Variants in ARHGEF38 observed in about 807,000 individuals in gnomAD.
ARHGEF38 encodes the protein Rho guanine nucleotide exchange factor 38, also known as Rho guanine nucleotide exchange factor (GEF) 38.
A neutral mutation model predicts 79.9 loss-of-function variants in ARHGEF38; 79 were observed. The observed-to-expected ratio is 0.99, with a 90% CI of 0.82 to 1.19. ARHGEF38 has a LOEUF of 1.19. Among genes scored for constraint, ARHGEF38 ranks in the 50% most tolerant of loss-of-function variants. The pLI is 0.00. For synonymous variants in ARHGEF38, 366 were observed against 328.3 expected (o/e 1.11, Z -1.24); for missense variants, 962 against 907.2 (o/e 1.06, Z -0.78).
chr4:105,678,336 C>A lies in ARHGEF38; in HGVS notation c.*399C>A, dbSNP rs1336525470. ...TTTTGTTTTTCATATTGCTCTCTTG[C>A]AAATGCATACATGTTTATATACATA... On this transcript the variant is annotated 3_prime_UTR_variant, in exon 14 of 14. Transcript: ENST00000420470. 6.2e-6 allele frequency: 1 copy of A among 160,766 alleles called. No homozygotes were observed. Among genetic ancestry groups the A allele is most frequent in the Non-Finnish European group, 1.4e-5 (1 of 72,966 alleles). The allele number at this position is 160,766 out of a possible 1,614,324, so 10.0% of individuals were successfully genotyped here.
At chr4:105,569,333 G>T (rs1726100699) in intron 1 of ARHGEF38, among the ~76,000 whole-genome samples, 1 of 152,208 alleles carries the variant, frequency 6.6e-6, no homozygotes, top group African/African-American at 2.4e-5. Flanking sequence ...AATAATAGCA[G>T]TGCACATTAG....
Position 105,661,986 on chromosome 4 carries a change from G to A in ARHGEF38, c.1545+2621G>A, listed in dbSNP as rs73837091. ...ACAGATTTATAGAAATGATAGAAGT[G>A]GGATCTCTGTGTCAAAGGGTAAAGA... is the stretch of plus-strand genomic sequence containing the variant. On this transcript the variant is annotated intron_variant, in intron 10 of 13. Transcript: ENST00000420470. Among the ~76,000 whole-genome samples the A allele has an allele frequency of 2.7e-3, 406 of 152,180 alleles. 1 individual carries two copies. The highest frequency in any genetic ancestry group is 9.2e-3 in the African/African-American group (383 of 41,544).
rs564991311 is a variant in ARHGEF38 at position 105,586,022 on chromosome 4, C to T, written c.197-3226C>T. ...TTGGGATTACAGGCATGAGCCACTG[C>T]GCCAGGCCCCCTCGGTTGCTTCATC... On this transcript the variant is annotated intron_variant, in intron 1 of 13. Transcript: ENST00000420470. Among the ~76,000 whole-genome samples, 8 of 152,134 alleles carry T rather than the reference C, an allele frequency of 5.3e-5. No individual in the cohort carries two copies. In the South Asian group the frequency reaches 6.2e-4, roughly 12 times the overall value.
intron 1 of ARHGEF38, among the ~76,000 whole-genome samples, chr4:105,573,784 A>T (rs943835091): frequency 6.6e-6 from 1 of 151,930 alleles, no homozygotes; most frequent in South Asian, 2.1e-4. Flanking sequence ...TTTGATAAAG[A>T]TTGCATAGAA....
In ARHGEF38 at chr4:105,552,671, ATAAACTCGTCAC is replaced by A; in HGVS notation, c.-93_-82del. On this transcript the variant is annotated 5_prime_UTR_variant, in exon 1 of 14. Coordinates refer to ENST00000420470, the MANE Select transcript of ARHGEF38 (RefSeq NM_001242729.2). ...AAGCGGTTTAGTTAGAAGGGAGCAG[ATAAACTCGTCAC>A]TCTAGTAGCTTTAACCCTCACCCTG... The A allele has an allele frequency of 9.7e-7, 1 of 1,029,326 alleles. No homozygotes were observed. Among genetic ancestry groups the A allele is most frequent in the Non-Finnish European group, 1.4e-6 (1 of 713,574 alleles). 63.8% of individuals were successfully genotyped at this position (1,029,326 alleles called of 1,614,324 possible).
intron 6 of ARHGEF38, among the ~76,000 whole-genome samples, chr4:105,647,443 A>G (rs1484020164): frequency 6.6e-6 from 1 of 152,136 alleles, no homozygotes; most frequent in African/African-American, 2.4e-5. Flanking sequence ...ATTTATGAGT[A>G]TATCATTATT....
At position 105,622,919 on chromosome 4, in the gene ARHGEF38, T is replaced by C. The variant is rs1451164671; in HGVS notation, c.509-7979T>C. Reference sequence around the variant, plus strand: ...ACACCTTTGCACACACACTTGGCCATCTAAATACCAGAGATTTGGGGAAAG... The same window carrying C: ...ACACCTTTGCACACACACTTGGCCACCTAAATACCAGAGATTTGGGGAAAG... On this transcript the variant is annotated intron_variant, in intron 3 of 13. Transcript: ENST00000420470. Among the ~76,000 whole-genome samples the C allele has an allele frequency of 2.6e-5, 4 of 152,178 alleles. No homozygotes were observed. The South Asian group carries it at 6.2e-4, about 24-fold the overall frequency.
chr4:105,580,665 C>T (rs1411779115), intron 1 of ARHGEF38, among the ~76,000 whole-genome samples: 7 of 151,998 alleles, frequency 4.6e-5, no homozygotes, highest in Admixed American at 2.0e-4. Context: ...GAGTATGTGC[C>T]GTGTGGCAAT....
chr4:105,615,860 A>G (rs1430510940), intron 3 of ARHGEF38, among the ~76,000 whole-genome samples: 1 of 152,178 alleles, frequency 6.6e-6, no homozygotes, highest in African/African-American at 2.4e-5. Flanking sequence ...GAAGTGGCTG[A>G]TTAAATGATG....
chr4:105,658,502 G>T (rs1402335844), intron 9 of ARHGEF38, among the ~76,000 whole-genome samples: 2 of 152,144 alleles, frequency 1.3e-5, no homozygotes, highest in African/African-American at 2.4e-5. Flanking sequence ...CTGTATAGGG[G>T]ATATAATTCC....
At position 105,666,158 on chromosome 4, in the gene ARHGEF38, A is replaced by C. The variant is rs1344570895; in HGVS notation, c.1546-19A>C. The C allele has an allele frequency of 2.7e-6, 4 of 1,504,262 alleles. No homozygotes were observed. The African/African-American group carries it at 5.6e-5, about 21-fold the overall frequency. The allele number at this position is 1,504,262 out of a possible 1,614,324, so 93.2% of individuals were successfully genotyped here. On this transcript the variant is annotated intron_variant, in intron 10 of 13. Coordinates refer to ENST00000420470, the MANE Select transcript of ARHGEF38 (RefSeq NM_001242729.2). ...TATCTAGGTGTCTGGAAACAATGCC[A>C]TATTATTTCTACCTATAGATGCCAC... is the stretch of plus-strand genomic sequence containing the variant.
At chr4:105,586,778 T>G (rs1216244118) in intron 1 of ARHGEF38, among the ~76,000 whole-genome samples, 2 of 152,120 alleles carry the variant, frequency 1.3e-5, no homozygotes, top group Non-Finnish European at 2.9e-5. Flanking sequence ...AAGGAAACAT[T>G]AAGTGATAAT....
chr4:105,581,625 T>G (rs1256150298), intron 1 of ARHGEF38, among the ~76,000 whole-genome samples: 1 of 152,212 alleles, frequency 6.6e-6, no homozygotes, highest in East Asian at 1.9e-4. Flanking sequence ...TTTTAATTAT[T>G]ATGAGCTTTT....
In ARHGEF38 at chr4:105,577,558, G is replaced by GTTA. The variant is rs1042866405; in HGVS notation, c.197-11688_197-11687insATT. Among the ~76,000 whole-genome samples the GTTA allele has an allele frequency of 9.9e-5, 15 of 151,710 alleles. 1 individual carries two copies. Among genetic ancestry groups the GTTA allele is most frequent in the East Asian group, 5.8e-4 (3 of 5,164 alleles). Reference sequence around the variant, plus strand: ...ATCCATCTGGTCCTGGGTTTTTGTTGTTGTTGTTGTTGTTGTTGGCAAATT... The same window carrying GTTA: ...ATCCATCTGGTCCTGGGTTTTTGTTGTTATTGTTGTTGTTGTTGTTGGCAAATT... On this transcript the variant is annotated intron_variant, in intron 1 of 13. Transcript: ENST00000420470.
At position 105,631,569 on chromosome 4, in the gene ARHGEF38, G is replaced by A. The variant is rs536590703; in HGVS notation, c.656+524G>A. The A allele has an allele frequency of 1.8e-5, 18 of 985,380 alleles. No individual in the cohort carries two copies. In the East Asian group the frequency reaches 6.8e-4, roughly 37 times the overall value. 61.0% of individuals were successfully genotyped at this position (985,380 alleles called of 1,614,324 possible). ...TTCCTTTCTCATCCCTAAAACATTG[G>A]TGGGGGAGCTACACAATGTACTTTT... On this transcript the variant is annotated intron_variant, in intron 4 of 13. Coordinates refer to ENST00000420470, the MANE Select transcript of ARHGEF38 (RefSeq NM_001242729.2).
Position 105,589,419 on chromosome 4 carries a change from C to T in ARHGEF38, c.368C>T (p.Pro123Leu). The T allele has an allele frequency of 6.2e-7, 1 of 1,605,628 alleles. No individual in the cohort carries two copies. Among genetic ancestry groups the T allele is most frequent in the Non-Finnish European group, 8.5e-7 (1 of 1,177,520 alleles). ...CTGTGTGTTAGGGAAGTGGTTCAGCCCCTGAGAAATAAAAAGGTAAATATA... is the reference window on the plus strand; with the variant it reads ...CTGTGTGTTAGGGAAGTGGTTCAGCTCCTGAGAAATAAAAAGGTAAATATA... ...LELCVREVVQ[P>L]LRNKKTDRLD... is the part of the protein sequence containing the mutation. Residue 123 changes from proline to leucine, a missense_variant, in exon 2 of 14, where the codon CCC becomes CTC. Physicochemically the swap from Pro to Leu is moderately conservative, Grantham distance 98 (BLOSUM62 -3). Coordinates refer to ENST00000420470, the MANE Select transcript of ARHGEF38 (RefSeq NM_001242729.2).
intron 1 of ARHGEF38, among the ~76,000 whole-genome samples, chr4:105,580,140 C>G (rs537163071): frequency 6.6e-6 from 1 of 152,080 alleles, no homozygotes; most frequent in Non-Finnish European, 1.5e-5. Flanking sequence ...AGCTAGCAGT[C>G]TATCTTATTA....
chr4:105,612,289 C>T (rs770267746), intron 2 of ARHGEF38, among the ~76,000 whole-genome samples: 16 of 152,066 alleles, frequency 1.1e-4, no homozygotes, highest in Non-Finnish European at 1.8e-4. Flanking sequence ...CTTTTATATC[C>T]CTTGTTCCCA....
At chr4:105,642,410 C>G (rs1729657358) in intron 5 of ARHGEF38, among the ~76,000 whole-genome samples, 1 of 152,026 alleles carries the variant, frequency 6.6e-6, no homozygotes, top group Non-Finnish European at 1.5e-5. Context: ...CTATTATTGT[C>G]ATTTGAAATA....
Sources: allele counts gnomAD v4.1 joint callset (sites outside exome capture counted in the v4.1 genomes callset), GRCh38; gene constraint gnomAD v4.1.1; transcripts MANE v1.5; gene names NCBI Gene and HGNC (gene_info 2026-07-23, HGNC 2026-07-21).